SRGAP1: variants seen among roughly 807,000 people sequenced by gnomAD.
The protein encoded by SRGAP1 is SLIT-ROBO Rho GTPase-activating protein 1.
SRGAP1 carries 43 observed loss-of-function variants against 121.9 expected under a neutral mutation model. The ratio of observed to expected loss-of-function variants is 0.35; its 90% CI spans 0.28 to 0.46. The LOEUF (loss-of-function observed/expected upper bound fraction) is 0.46. Among genes scored for constraint, SRGAP1 ranks in the 20% least tolerant of loss-of-function variants. The probability of loss-of-function intolerance (pLI) is 1.00; values close to 1 mark genes in which losing one functional copy is unlikely to be tolerated. For missense variants in SRGAP1, 1,102 were observed against 1,350.9 expected (o/e 0.82, Z 2.89); for synonymous variants, 447 against 485.4 (o/e 0.92, Z 1.04).
intron 1 of SRGAP1, among the ~76,000 whole-genome samples, chr12:63,957,396 A>T (rs575952461): frequency 6.6e-6 from 1 of 152,310 alleles, no homozygotes; most frequent in Non-Finnish European, 1.5e-5. Flanking sequence ...GAACAGGAAC[A>T]AATGCCTGTG....
rs146670556 is a variant in SRGAP1 at position 64,056,340 on chromosome 12, A to G, written c.802-6577A>G. ...CCAAGCAGCCAGAGTATTGAAAAAC[A>G]TAAATCACTTGAGACCAGCCTGGCC... On this transcript the variant is annotated intron_variant, in intron 6 of 21. Transcript: ENST00000355086. 7.2e-5 allele frequency among the ~76,000 whole-genome samples: 11 copies of G among 152,170 alleles called. No individual in the cohort carries two copies. In the East Asian group the frequency reaches 2.1e-3, roughly 29 times the overall value.
chr12:64,094,831 G>T, intron 12 of SRGAP1, 101 bp from the exon 13 acceptor site: 1 of 1,166,286 alleles, frequency 8.6e-7, no homozygotes, highest in Non-Finnish European at 1.3e-6. Context: ...CTCCAGAACT[G>T]CAAAAATCCC....
Position 63,844,970 on chromosome 12 carries a change from G to C in SRGAP1, c.67+87G>C, listed in dbSNP as rs947356396. 123 of 1,349,788 alleles carry C rather than the reference G, an allele frequency of 9.1e-5. No individual in the cohort carries two copies. The highest frequency in any genetic ancestry group is 1.8e-4 in the Middle Eastern group (1 of 5,580). 83.6% of individuals were successfully genotyped at this position (1,349,788 alleles called of 1,614,324 possible). On this transcript the variant is annotated intron_variant, in intron 1 of 21. Coordinates refer to ENST00000355086, the MANE Select transcript of SRGAP1 (RefSeq NM_020762.4). The surrounding 1 kb of genome is among the most constrained non-coding windows in gnomAD (Gnocchi z 4.3). ...GTTGCGTATCTAACTTGGTGTCTGC[G>C]TGGGAGGAAGGTGGTGAGGGGACAG...
chr12:63,934,403 C>T (rs1287998404), intron 1 of SRGAP1, among the ~76,000 whole-genome samples: 1 of 152,142 alleles, frequency 6.6e-6, no homozygotes, highest in East Asian at 1.9e-4. Context: ...TCCATTCCAC[C>T]TATCCGAAGA....
chr12:64,125,319 G>C (rs2036670164), intron 18 of SRGAP1, among the ~76,000 whole-genome samples: 1 of 152,060 alleles, frequency 6.6e-6, no homozygotes, highest in South Asian at 2.1e-4. Context: ...AATTTGGACA[G>C]AGGGCAATTT....
intron 1 of SRGAP1, among the ~76,000 whole-genome samples, chr12:63,930,328 T>TG: frequency 1.7e-5 from 1 of 60,080 alleles, no homozygotes; most frequent in East Asian, 5.4e-4. Flanking sequence ...TCGTCTCTAC[T>TG]AAAAAAAAAA....
At chr12:64,114,333 T>A (rs111650864) in intron 17 of SRGAP1, among the ~76,000 whole-genome samples, 4 of 116,840 alleles carry the variant, frequency 3.4e-5, no homozygotes, top group African/African-American at 1.4e-4. Context: ...ATGGTTAGCT[T>A]TTTTTTTTTT....
intron 12 of SRGAP1, among the ~76,000 whole-genome samples, chr12:64,092,934 T>C (rs1385084064): frequency 6.6e-6 from 1 of 152,166 alleles, no homozygotes; most frequent in African/African-American, 2.4e-5. Flanking sequence ...TAAATTGAGG[T>C]ACCAAAGAAT....
chr12:63,861,891 G>A (rs1396637961), intron 1 of SRGAP1, among the ~76,000 whole-genome samples: 1 of 152,152 alleles, frequency 6.6e-6, no homozygotes, highest in Non-Finnish European at 1.5e-5. Context: ...GGAGGATGAG[G>A]TGGGTGGATC....
intron 1 of SRGAP1, among the ~76,000 whole-genome samples, chr12:63,950,884 A>C (rs1182144392): frequency 7.1e-5 from 10 of 140,458 alleles, no homozygotes; most frequent in African/African-American, 2.1e-4. Flanking sequence ...TGAGTCCCCC[A>C]CTCCACCCCA....
chr12:63,895,705 CA>C (rs1467088311), intron 1 of SRGAP1, among the ~76,000 whole-genome samples: 2 of 152,210 alleles, frequency 1.3e-5, no homozygotes, highest in Non-Finnish European at 2.9e-5. Flanking sequence ...ACATCTCCTA[CA>C]ATGTCCGTAA....
chr12:64,029,124 G>A (rs2034719014), intron 4 of SRGAP1, among the ~76,000 whole-genome samples: 1 of 152,188 alleles, frequency 6.6e-6, no homozygotes, highest in African/African-American at 2.4e-5. Flanking sequence ...GGAATGGGCT[G>A]TCTTTTAGGA....
At chr12:64,027,723 T>C (rs895197992) in intron 4 of SRGAP1, among the ~76,000 whole-genome samples, 1 of 152,126 alleles carries the variant, frequency 6.6e-6, no homozygotes, top group Admixed American at 6.5e-5. Context: ...CTCAAAAAGC[T>C]CTCTTGCACA....
intron 1 of SRGAP1, among the ~76,000 whole-genome samples, chr12:63,884,043 G>A (rs1900286403): frequency 0.01 from 1 of 98 alleles, no homozygotes; most frequent in Admixed American, 0.062. Context: ...CAGCACTTCG[G>A]GAGGCTAGGC....
chr12:64,041,343 C>CAT (rs1252192252), intron 4 of SRGAP1, among the ~76,000 whole-genome samples: 1 of 151,258 alleles, frequency 6.6e-6, no homozygotes, highest in Non-Finnish European at 1.5e-5. Flanking sequence ...AGAGAGAAAT[C>CAT]ATATATGGCA....
At chr12:63,992,124 G>A (rs1004676190) in intron 3 of SRGAP1, among the ~76,000 whole-genome samples, 5 of 152,214 alleles carry the variant, frequency 3.3e-5, no homozygotes, top group African/African-American at 1.2e-4. Flanking sequence ...GATATGATTG[G>A]ACCAGGGATC....
At chr12:64,096,465 C>T (rs2036156816) in intron 14 of SRGAP1, among the ~76,000 whole-genome samples, 1 of 152,104 alleles carries the variant, frequency 6.6e-6, no homozygotes, top group South Asian at 2.1e-4. Flanking sequence ...TGTTGAACTT[C>T]TTAAGGATTT....
At chr12:63,968,113 C>T (rs2032838800) in intron 1 of SRGAP1, among the ~76,000 whole-genome samples, 1 of 152,116 alleles carries the variant, frequency 6.6e-6, no homozygotes, top group Admixed American at 6.5e-5. Flanking sequence ...AATTGGTCTC[C>T]ACACACCATT....
intron 1 of SRGAP1, among the ~76,000 whole-genome samples, chr12:63,967,200 C>T (rs1282468791): frequency 4.6e-5 from 7 of 152,134 alleles, no homozygotes; most frequent in East Asian, 3.9e-4. Context: ...CCCCACCTTG[C>T]GGGGCCAGGG....
Sources: gnomAD v4.1 joint callset for allele counts (sites outside exome capture counted in the v4.1 genomes callset) on GRCh38, gnomAD v4.1.1 for gene constraint, Gnocchi (gnomAD v3.1) non-coding constraint, MANE v1.5 for transcripts, NCBI Gene and HGNC (gene_info 2026-07-23, HGNC 2026-07-21) for gene names.